The following BOC variants were observed in gnomAD, a reference collection of about 807,000 sequenced individuals.
BOC encodes BOC cell adhesion associated, oncogene regulated.
Under a neutral mutation model 112.0 loss-of-function variants are expected in BOC, and 76 were observed. The observed-to-expected ratio is 0.68, with a 90% CI of 0.56 to 0.82. The LOEUF (loss-of-function observed/expected upper bound fraction) is 0.82, where lower values mean the gene tolerates loss of function less well. Ranked by LOEUF, BOC falls within the 40% of genes least tolerant of loss-of-function variation. The pLI is 0.00. For missense variants in BOC, 1,309 were observed against 1,511.7 expected, an observed-to-expected ratio of 0.87 and a Z score of 2.22; for synonymous variants, 580 against 599.8, an observed-to-expected ratio of 0.97 and a Z score of 0.48.
At chr3:113,224,150 A>G (rs951736699) in intron 2 of BOC, among the ~76,000 whole-genome samples, 1 of 152,200 alleles carries the variant, frequency 6.6e-6, no homozygotes, top group Non-Finnish European at 1.5e-5. Flanking sequence ...GCGCTCTTGC[A>G]CGCCTACATC....
intron 4 of BOC, among the ~76,000 whole-genome samples, chr3:113,260,577 CAGG>C (rs1361490025): frequency 6.6e-6 from 1 of 151,654 alleles, no homozygotes; most frequent in Non-Finnish European, 1.5e-5. Flanking sequence ...GGTCACACAG[CAGG>C]AGGTGAGCGG....
intron 15 of BOC, among the ~76,000 whole-genome samples, chr3:113,281,442 A>G (rs1949191802): frequency 1.3e-5 from 2 of 152,170 alleles, no homozygotes; most frequent in African/African-American, 2.4e-5. Flanking sequence ...TATTCCTGCA[A>G]TGATATTTGG....
intron 4 of BOC, 88 bp downstream of exon 4, chr3:113,250,921 G>T: frequency 6.6e-7 from 1 of 1,507,208 alleles, no homozygotes. Context: ...GCTGCCTCTT[G>T]TTACTCTTAG....
intron 2 of BOC, among the ~76,000 whole-genome samples, chr3:113,220,900 T>TCCCA (rs2107615129): frequency 6.6e-6 from 1 of 152,264 alleles, no homozygotes; most frequent in South Asian, 2.1e-4. Flanking sequence ...TTTCCGGAGT[T>TCCCA]CCCATCTGAG....
intron 2 of BOC, among the ~76,000 whole-genome samples, chr3:113,231,118 G>A (rs1191692241): frequency 6.6e-6 from 1 of 152,172 alleles, no homozygotes; most frequent in Non-Finnish European, 1.5e-5. Flanking sequence ...TTTTATGGTT[G>A]AAGGGGTGGT....
chr3:113,226,804 A>C (rs1400570805), intron 2 of BOC, among the ~76,000 whole-genome samples: 2 of 152,218 alleles, frequency 1.3e-5, no homozygotes, highest in African/African-American at 4.8e-5. Flanking sequence ...TTTAGCACGG[A>C]ACTGTTACTG....
intron 2 of BOC, among the ~76,000 whole-genome samples, chr3:113,223,698 A>G (rs1049488786): frequency 2.6e-5 from 4 of 151,920 alleles, no homozygotes; most frequent in Non-Finnish European, 4.4e-5. Context: ...GGTTGGAATC[A>G]CACAGCCTAT....
Position 113,270,813 on chromosome 3 carries a change from T to A in BOC, c.536T>A (p.Ile179Asn). ...WLEASRGNYL[I>N]MPSGNLQIVN... is the part of the protein sequence containing the mutation. ...GCCCTTTCCACAGGTAACTACCTGA[T>A]CATGCCCTCAGGGAACCTCCAGATT... Residue 179 changes from isoleucine to asparagine, a missense_variant, in exon 6 of 20, where the codon ATC becomes AAC. By Grantham distance (149) the Ile-to-Asn change is moderately radical. Coordinates refer to ENST00000682979, the MANE Select transcript of BOC (RefSeq NM_001378074.1). 2 of 1,612,562 alleles carry A rather than the reference T, an allele frequency of 1.2e-6. No homozygotes were observed. The highest frequency in any genetic ancestry group is 8.5e-7 in the Non-Finnish European group (1 of 1,179,134).
rs150041210 is a variant in BOC, at chr3:113,243,318, T to C, written c.-81-6404T>C. ...ACAATGATAATGGAATCACTTCTGA[T>C]GAGAAGTCAACAAAATAATTAACAG... On this transcript the variant is annotated intron_variant, in intron 2 of 19. Coordinates refer to ENST00000682979, the MANE Select transcript of BOC (RefSeq NM_001378074.1). 1.4e-3 allele frequency among the ~76,000 whole-genome samples: 218 copies of C among 152,274 alleles called. 1 individual carries two copies. Among genetic ancestry groups the C allele is most frequent in the African/African-American group, 5.0e-3 (206 of 41,542 alleles).
At chr3:113,256,813 T>C (rs915595137) in intron 4 of BOC, among the ~76,000 whole-genome samples, 2 of 151,850 alleles carry the variant, frequency 1.3e-5, no homozygotes, top group African/African-American at 4.8e-5. Flanking sequence ...TATGTATAAT[T>C]ATATATTATA....
chr3:113,258,385 C>T (rs954648863), intron 4 of BOC, among the ~76,000 whole-genome samples: 2 of 152,164 alleles, frequency 1.3e-5, no homozygotes, highest in Non-Finnish European at 2.9e-5. Context: ...GTTCCCCGCT[C>T]ACCCCATTTC....
At position 113,278,817 on chromosome 3, in the gene BOC, C is replaced by A. The variant is rs760600259; in HGVS notation, c.1816+34C>A. 2.0e-6 allele frequency: 3 copies of A among 1,537,012 alleles called. No homozygotes were observed. Among genetic ancestry groups the A allele is most frequent in the African/African-American group, 2.8e-5 (2 of 72,702 alleles). Reference sequence around the variant, plus strand: ...CTAGCAGCAGGGACGGACGCGCAGTCAGGACTGGAACTGCCTCAGAGGCCT... The same window carrying A: ...CTAGCAGCAGGGACGGACGCGCAGTAAGGACTGGAACTGCCTCAGAGGCCT... On this transcript the variant is annotated intron_variant, in intron 11 of 19. Transcript: ENST00000682979. This position sits in a 1 kb window ranked among gnomAD's most constrained non-coding sequence, Gnocchi z 4.2.
rs766394712 is a variant in BOC at position 113,272,445 on chromosome 3, C to G, written c.703C>G (p.Pro235Ala). Residue 235 changes from proline to alanine, a missense_variant, in exon 7 of 20, where the codon CCA becomes GCA. Transcript: ENST00000682979. Reference sequence around the variant, plus strand: ...TGAGGCTGCCCGCATCATCTACCCCCCAGAGGCCCAAACCATCATCGTCAC... The same window carrying G: ...TGAGGCTGCCCGCATCATCTACCCCGCAGAGGCCCAAACCATCATCGTCAC... ...TAEAARIIYP[P>A]EAQTIIVTKG... is the part of the protein sequence containing the mutation. The G allele has an allele frequency of 5.6e-6, 9 of 1,613,962 alleles. No homozygotes were observed. Among genetic ancestry groups the G allele is most frequent in the Admixed American group, 1.7e-5 (1 of 60,004 alleles).
In BOC at chr3:113,272,661, C is replaced by G. The variant is rs1185883445; in HGVS notation, c.919C>G (p.Gln307Glu). 6.2e-7 allele frequency: 1 copy of G among 1,613,748 alleles called. No homozygotes were observed. The highest frequency in any genetic ancestry group is 1.3e-5 in the African/African-American group (1 of 74,816). Residue 307 changes from glutamine to glutamate, a missense_variant, in exon 7 of 20, where the codon CAG becomes GAG. Gln to Glu is a conservative substitution (Grantham distance 29). Transcript: ENST00000682979. ...YRCMADNGVGQPGAAVILYNV... is the reference protein window; with the variant it reads ...YRCMADNGVGEPGAAVILYNV... The stretch of plus-strand genomic sequence containing the variant: ...CTGCATGGCCGACAATGGGGTTGGG[C>G]AGCCCGGGGCAGCGGTCATCCTCTA...
At chr3:113,217,293 A>G (rs1939598662) in intron 2 of BOC, among the ~76,000 whole-genome samples, 1 of 152,206 alleles carries the variant, frequency 6.6e-6, no homozygotes. Context: ...AGGTGGGAAG[A>G]CTGCTTGAAC....
At chr3:113,230,849 T>C (rs1942499990) in intron 2 of BOC, among the ~76,000 whole-genome samples, 1 of 152,190 alleles carries the variant, frequency 6.6e-6, no homozygotes, top group African/African-American at 2.4e-5. Context: ...ACATGACTAT[T>C]TCAGCAAACT....
At chr3:113,225,225 G>A (rs1941459737) in intron 2 of BOC, among the ~76,000 whole-genome samples, 1 of 151,496 alleles carries the variant, frequency 6.6e-6, no homozygotes, top group African/African-American at 2.4e-5. Context: ...AGTGAGCCGA[G>A]ATTGCACCAC....
intron 2 of BOC, among the ~76,000 whole-genome samples, chr3:113,231,715 T>C (rs1472495210): frequency 1.3e-5 from 2 of 152,242 alleles, no homozygotes; most frequent in Non-Finnish European, 2.9e-5. Flanking sequence ...TTATTTTCGG[T>C]GGCATATTTT....
At chr3:113,255,778 A>G (rs1052213809) in intron 4 of BOC, among the ~76,000 whole-genome samples, 1 of 152,186 alleles carries the variant, frequency 6.6e-6, no homozygotes, top group East Asian at 1.9e-4. Flanking sequence ...CCCCCTCGCC[A>G]CTCAACCTCA....
Sources: allele counts gnomAD v4.1 joint callset (sites outside exome capture counted in the v4.1 genomes callset), GRCh38; gene constraint gnomAD v4.1.1; non-coding constraint Gnocchi (gnomAD v3.1); transcripts MANE v1.5; gene names NCBI Gene and HGNC (gene_info 2026-07-23, HGNC 2026-07-21).